ZNF148: variants seen among roughly 807,000 people sequenced by gnomAD.
ZNF148 encodes the protein zinc finger protein 148, also known as Beta-Enolase Repressor Factor-1.
A neutral mutation model predicts 67.7 loss-of-function variants in ZNF148; 7 were observed. The observed-to-expected ratio is 0.10, with a 90% CI of 0.06 to 0.19. The LOEUF (loss-of-function observed/expected upper bound fraction) is 0.19, where lower values mean the gene tolerates loss of function less well. Among genes scored for constraint, ZNF148 ranks in the 10% least tolerant of loss-of-function variants. ZNF148 has a pLI of 1.00. For synonymous variants in ZNF148, 333 were observed against 330.7 expected (o/e 1.01, Z -0.08); for missense variants, 583 against 947.1 (o/e 0.62, Z 5.05).
chr3:125,242,240 TGTTA>T (rs1936397648), intron 7 of ZNF148, among the ~76,000 whole-genome samples: 1 of 152,184 alleles, frequency 6.6e-6, no homozygotes, highest in African/African-American at 2.4e-5. Flanking sequence ...GGATTTTGAG[TGTTA>T]TTTAGAAAAG....
chr3:125,287,669 TCTATTATGTCTC>T (rs1305901743), intron 5 of ZNF148, among the ~76,000 whole-genome samples: 3 of 152,134 alleles, frequency 2.0e-5, no homozygotes, highest in African/African-American at 7.2e-5. Flanking sequence ...TTACTGAGGA[TCTATTATGTCTC>T]CTATTCCAGG....
At position 125,232,818 on chromosome 3, in the gene ZNF148, G is replaced by T; in HGVS notation, c.1908C>A (p.Thr636=). Residue 636 remains threonine, a synonymous_variant, in exon 9 of 9, where the codon ACC becomes ACA. Coordinates refer to ENST00000360647, the MANE Select transcript of ZNF148 (RefSeq NM_021964.3). This position sits in a 1 kb window ranked among gnomAD's most constrained non-coding sequence, Gnocchi z 4.2. ...PSLNFVTDNQ[T]LPNQPAFSSI... is the part of the protein sequence containing the mutation. ...AAGAGAATGCTGGCTGATTTGGGAGGGTCTGGTTATCAGTCACAAAGTTAA... is the reference window on the plus strand; with the variant it reads ...AAGAGAATGCTGGCTGATTTGGGAGTGTCTGGTTATCAGTCACAAAGTTAA... The T allele has an allele frequency of 6.2e-7, 1 of 1,613,782 alleles. No homozygotes were observed. The highest frequency in any genetic ancestry group is 8.5e-7 in the Non-Finnish European group (1 of 1,179,804).
Position 125,300,446 on chromosome 3 carries a change from T to A in ZNF148, c.334-12218A>T, listed in dbSNP as rs556553597. 3.3e-5 allele frequency among the ~76,000 whole-genome samples: 5 copies of A among 152,286 alleles called. 1 individual carries two copies. The South Asian group carries it at 1.0e-3, about 32-fold the overall frequency. On this transcript the variant is annotated intron_variant, in intron 4 of 8. Coordinates refer to ENST00000360647, the MANE Select transcript of ZNF148 (RefSeq NM_021964.3). Reference sequence around the variant, plus strand: ...ATTAAGAATTGGGTATAACTAACGATAGGATTCAAGGAAATTTAAAAACTA... The same window carrying A: ...ATTAAGAATTGGGTATAACTAACGAAAGGATTCAAGGAAATTTAAAAACTA...
chr3:125,350,414 C>T (rs1942102416), intron 1 of ZNF148, among the ~76,000 whole-genome samples: 2 of 152,208 alleles, frequency 1.3e-5, no homozygotes, highest in African/African-American at 4.8e-5. Context: ...ACCCGCCTGC[C>T]TTGGCCTCGG....
At chr3:125,268,618 G>C (rs1031838083) in intron 7 of ZNF148, among the ~76,000 whole-genome samples, 41 of 152,126 alleles carry the variant, frequency 2.7e-4, no homozygotes, top group Admixed American at 2.4e-3. Flanking sequence ...AGAAAACCTA[G>C]GAAATACCCT....
chr3:125,234,048 C>T lies in ZNF148; in HGVS notation c.787-109G>A, dbSNP rs185819341. 1.9e-3 allele frequency: 2,593 copies of T among 1,387,086 alleles called. 2 individuals carry two copies. The highest frequency in any genetic ancestry group is 3.6e-3 in the South Asian group (237 of 65,804). The allele number at this position is 1,387,086 out of a possible 1,614,324, so 85.9% of individuals were successfully genotyped here. On this transcript the variant is annotated intron_variant, in intron 8 of 8. Coordinates refer to ENST00000360647, the MANE Select transcript of ZNF148 (RefSeq NM_021964.3). ...AAAGATATATTAATGCAATAACATACATAATTCCAAACAAATTCACTGAGC... is the reference window on the plus strand; with the variant it reads ...AAAGATATATTAATGCAATAACATATATAATTCCAAACAAATTCACTGAGC...
At chr3:125,372,063 CAAAA>C in intron 1 of ZNF148, among the ~76,000 whole-genome samples, 1 of 115,706 alleles carries the variant, frequency 8.6e-6, no homozygotes, top group Admixed American at 8.9e-5. Context: ...GACTCCGTCT[CAAAA>C]AAAAAAAAAA....
intron 7 of ZNF148, among the ~76,000 whole-genome samples, chr3:125,273,307 T>C (rs1937858651): frequency 6.6e-6 from 1 of 152,194 alleles, no homozygotes; most frequent in Admixed American, 6.5e-5. Flanking sequence ...AGGACTGCTG[T>C]GTTTTCAGGC....
intron 4 of ZNF148, among the ~76,000 whole-genome samples, chr3:125,294,764 G>C (rs1016968618): frequency 2.8e-4 from 42 of 151,962 alleles, no homozygotes; most frequent in Non-Finnish European, 4.1e-4. Context: ...CTAAGGCCCA[G>C]GAAGGTTGAG....
At chr3:125,353,122 T>C (rs972974325) in intron 1 of ZNF148, among the ~76,000 whole-genome samples, 1 of 152,214 alleles carries the variant, frequency 6.6e-6, no homozygotes, top group Non-Finnish European at 1.5e-5. Context: ...AACCTCTTTA[T>C]TCATAATAAC....
chr3:125,267,104 T>C (rs191290154), intron 7 of ZNF148, among the ~76,000 whole-genome samples: 264 of 145,846 alleles, frequency 1.8e-3, no homozygotes, highest in Non-Finnish European at 3.2e-3. Context: ...CTGGACCAGA[T>C]GGATTCACAG....
intron 1 of ZNF148, among the ~76,000 whole-genome samples, chr3:125,342,376 C>A (rs1187605446): frequency 6.7e-6 from 1 of 148,998 alleles, no homozygotes; most frequent in African/African-American, 2.5e-5. Context: ...ACCTTGAAAG[C>A]AGCCAGAGAG....
chr3:125,288,701 T>C (rs1353453983), intron 4 of ZNF148, among the ~76,000 whole-genome samples: 2 of 152,170 alleles, frequency 1.3e-5, no homozygotes, highest in Admixed American at 6.6e-5. Context: ...TTCTAAAAGA[T>C]AATTTGTCAA....
chr3:125,324,157 T>TG (rs1287303126), intron 2 of ZNF148, among the ~76,000 whole-genome samples: 3 of 151,482 alleles, frequency 2.0e-5, no homozygotes, highest in African/African-American at 7.3e-5. Context: ...ATTGTGCACA[T>TG]GTACCCTAAA....
intron 1 of ZNF148, among the ~76,000 whole-genome samples, chr3:125,371,007 C>G (rs1471863906): frequency 6.6e-6 from 1 of 152,016 alleles, no homozygotes; most frequent in Admixed American, 6.6e-5. Context: ...CCTACTACAT[C>G]CCCCCAAAAA....
intron 5 of ZNF148, among the ~76,000 whole-genome samples, chr3:125,284,360 AAC>A (rs1938546762): frequency 6.6e-6 from 1 of 152,136 alleles, no homozygotes; most frequent in African/African-American, 2.4e-5. Context: ...AGTCACCAAA[AAC>A]AGACTCAAAG....
chr3:125,276,615 T>C (rs752380204), intron 7 of ZNF148, among the ~76,000 whole-genome samples: 8 of 152,138 alleles, frequency 5.3e-5, no homozygotes, highest in East Asian at 3.9e-4. Context: ...GTATTTTTAG[T>C]AGAGACGGGG....
At chr3:125,330,299 A>G (rs1006592644) in intron 2 of ZNF148, among the ~76,000 whole-genome samples, 5 of 150,368 alleles carry the variant, frequency 3.3e-5, no homozygotes, top group African/African-American at 7.4e-5. Context: ...ACCCTATCTC[A>G]AGAAAAAACA....
At chr3:125,271,510 G>A (rs1937734842) in intron 7 of ZNF148, among the ~76,000 whole-genome samples, 2 of 152,262 alleles carry the variant, frequency 1.3e-5, no homozygotes, top group African/African-American at 2.4e-5. Flanking sequence ...AAATTTCCTT[G>A]GTGCTTGATC....
Sources: allele counts gnomAD v4.1 joint callset (sites outside exome capture counted in the v4.1 genomes callset), GRCh38; gene constraint gnomAD v4.1.1; non-coding constraint Gnocchi (gnomAD v3.1); transcripts MANE v1.5; gene names NCBI Gene and HGNC (gene_info 2026-07-23, HGNC 2026-07-21).